The following MARCO variants were observed in gnomAD, a reference collection of about 807,000 sequenced individuals.
MARCO encodes macrophage receptor with collagenous structure.
A neutral mutation model predicts 70.0 loss-of-function variants in MARCO; 72 were observed. The observed-to-expected ratio is 1.03, with a 90% confidence interval of 0.85 to 1.25. MARCO has a LOEUF of 1.25. MARCO is among the 50% of genes most tolerant of loss of function. The probability of loss-of-function intolerance (pLI) is 0.00; values close to 1 mark genes in which losing one functional copy is unlikely to be tolerated. For synonymous variants in MARCO, 273 were observed against 243.1 expected (o/e 1.12, Z -1.14); for missense variants, 696 against 659.3 (o/e 1.06, Z -0.61).
chr2:118,977,413 A>T, intron 6 of MARCO, 58 bp from the exon 7 acceptor site: 2 of 1,367,256 alleles, frequency 1.5e-6, no homozygotes, highest in South Asian at 2.3e-5. Context: ...CAGCTGATTA[A>T]AGACATTTTA....
At chr2:118,944,457 T>C (rs1679559517) in intron 1 of MARCO, among the ~76,000 whole-genome samples, 1 of 152,186 alleles carries the variant, frequency 6.6e-6, no homozygotes, top group Non-Finnish European at 1.5e-5. Context: ...TTATTTTTTG[T>C]CTGCTGAAGA....
chr2:118,985,355 C>T (rs1359998747), intron 12 of MARCO, among the ~76,000 whole-genome samples: 1 of 152,160 alleles, frequency 6.6e-6, no homozygotes, highest in African/African-American at 2.4e-5. Flanking sequence ...TAAATCCTGG[C>T]TTGGTCACCA....
At chr2:118,978,887 G>A (rs192195787) in intron 8 of MARCO, among the ~76,000 whole-genome samples, 8 of 152,164 alleles carry the variant, frequency 5.3e-5, no homozygotes, top group South Asian at 2.1e-4. Context: ...ATCCTGTAAC[G>A]TAGAAAGGGA....
At chr2:118,960,011 A>G (rs1004275688) in intron 1 of MARCO, among the ~76,000 whole-genome samples, 8 of 152,050 alleles carry the variant, frequency 5.3e-5, no homozygotes, top group African/African-American at 1.9e-4. Context: ...GGCAATGTAT[A>G]CTGCTTGGGT....
chr2:118,951,000 T>G (rs1679712472), intron 1 of MARCO, among the ~76,000 whole-genome samples: 1 of 152,246 alleles, frequency 6.6e-6, no homozygotes, highest in South Asian at 2.1e-4. Flanking sequence ...AAGACCTAAT[T>G]TAGTCCAAAT....
rs1436774099 is a variant in MARCO at position 118,977,825 on chromosome 2, C to A, written c.659-3C>A. 6.2e-7 allele frequency: 1 copy of A among 1,608,326 alleles called. No individual in the cohort carries two copies. Among genetic ancestry groups the A allele is most frequent in the South Asian group, 1.1e-5 (1 of 89,888 alleles). ...CCCATCTCACCAGCCATTCTCTTTG[C>A]AGGCACCCCAGGACCCCAAGGAGAG... On this transcript the variant is annotated splice_region_variant and splice_polypyrimidine_tract_variant and intron_variant, in intron 7 of 16. Coordinates refer to ENST00000327097, the MANE Select transcript of MARCO (RefSeq NM_006770.4).
chr2:118,990,716 G>A, intron 13 of MARCO, 83 bp downstream of exon 13: 1 of 1,354,616 alleles, frequency 7.4e-7, no homozygotes, highest in Non-Finnish European at 1.1e-6. Flanking sequence ...TGTTGACATT[G>A]AATGCACAGC....
At chr2:118,962,631 A>G (rs1366858516) in intron 1 of MARCO, among the ~76,000 whole-genome samples, 1 of 152,138 alleles carries the variant, frequency 6.6e-6, no homozygotes, top group East Asian at 1.9e-4. Flanking sequence ...TGATCTCATA[A>G]AATGAATTAG....
rs533574395 is a variant in MARCO at position 118,970,247 on chromosome 2, G to A, written c.333G>A (p.Ser111=). 71 of 1,614,028 alleles carry A rather than the reference G, an allele frequency of 4.4e-5. 1 individual carries two copies. In the East Asian group the frequency reaches 8.2e-4, roughly 19 times the overall value. ...HPGEHLAQGA[S]RLQVLQAQLT... ...GAGAACACCTGGCTCAGGGTGCATC[G>A]AGGCTGCAAGTCCTGCAGGCCCAAC... Residue 111 remains serine (S), a synonymous_variant, in exon 3 of 17, where the codon TCG becomes TCA. Coordinates refer to ENST00000327097, the MANE Select transcript of MARCO (RefSeq NM_006770.4).
chr2:118,971,561 C>T (rs1196797297), intron 4 of MARCO, 27 bp downstream of exon 4: 2 of 1,612,706 alleles, frequency 1.2e-6, no homozygotes, highest in Non-Finnish European at 1.7e-6. Context: ...TCACACCCAC[C>T]CTGCTCTTTC....
At chr2:118,986,740 G>GAA (rs1680524365) in intron 12 of MARCO, among the ~76,000 whole-genome samples, 2 of 145,492 alleles carry the variant, frequency 1.4e-5, no homozygotes, top group African/African-American at 5.2e-5. Context: ...GAAAGAAAGA[G>GAA]AAAGAAAGAG....
intron 12 of MARCO, among the ~76,000 whole-genome samples, chr2:118,990,232 T>A (rs752420553): frequency 8.5e-5 from 13 of 152,222 alleles, no homozygotes; most frequent in Non-Finnish European, 1.5e-4. Flanking sequence ...TAACTTTATT[T>A]ACCAAATATC....
chr2:118,966,210 C>A (rs919623773), intron 1 of MARCO, among the ~76,000 whole-genome samples: 2 of 152,162 alleles, frequency 1.3e-5, no homozygotes, highest in African/African-American at 4.8e-5. Context: ...CCCTCCTGAG[C>A]TATGTTTTCA....
rs368789692 is a variant in MARCO, at chr2:118,974,570, G to T, written c.613+5G>T. On this transcript the variant is annotated splice_donor_5th_base_variant and intron_variant, in intron 6 of 16. Transcript: ENST00000327097. ...CGGGAGTCAAGGGAGAGGCGGGTGA[G>T]TAGGTGCTGGGTATGTACCCAGAAA... 4 of 1,612,256 alleles carry T rather than the reference G, an allele frequency of 2.5e-6. No homozygotes were observed. The highest frequency in any genetic ancestry group is 2.7e-5 in the African/African-American group (2 of 74,988).
intron 8 of MARCO, among the ~76,000 whole-genome samples, chr2:118,978,786 G>A (rs1032709031): frequency 5.3e-5 from 8 of 152,116 alleles, no homozygotes; most frequent in African/African-American, 7.2e-5. Flanking sequence ...AACATGATAG[G>A]CATTAAATAC....
chr2:118,982,718 T>C (rs190447925), intron 12 of MARCO, among the ~76,000 whole-genome samples: 186 of 152,288 alleles, frequency 1.2e-3, no homozygotes, highest in African/African-American at 4.4e-3. Context: ...GCTGTACGTT[T>C]CTGCTGTCTC....
chr2:118,975,565 C>T (rs138142938), intron 6 of MARCO, among the ~76,000 whole-genome samples: 8 of 152,072 alleles, frequency 5.3e-5, no homozygotes, highest in Admixed American at 3.9e-4. Context: ...AGGGTTTAAG[C>T]GGGGAGGATA....
intron 4 of MARCO, 43 bp from the exon 5 acceptor site, chr2:118,974,290 T>C (rs943088286): frequency 5.1e-6 from 6 of 1,184,854 alleles, no homozygotes; most frequent in Non-Finnish European, 6.2e-6. Flanking sequence ...TGTTGCCCCA[T>C]CCTGTTGACT....
At chr2:118,963,772 A>C (rs922548101) in intron 1 of MARCO, among the ~76,000 whole-genome samples, 1 of 152,086 alleles carries the variant, frequency 6.6e-6, no homozygotes, top group Non-Finnish European at 1.5e-5. Flanking sequence ...TTGATTTCTT[A>C]TTTATAGCAC....
Sources: gnomAD v4.1 joint callset for allele counts (sites outside exome capture counted in the v4.1 genomes callset) on GRCh38, gnomAD v4.1.1 for gene constraint, MANE v1.5 for transcripts, NCBI Gene and HGNC (gene_info 2026-07-23, HGNC 2026-07-21) for gene names.